EXOC6B: variants seen among roughly 807,000 people sequenced by gnomAD.
EXOC6B encodes exocyst complex component 6B.
A neutral mutation model predicts 113.5 loss-of-function variants in EXOC6B; 54 were observed. The observed-to-expected ratio is 0.48, with a 90% CI of 0.38 to 0.60. The LOEUF is 0.60. EXOC6B is among the 20% of genes least tolerant of loss of function. The pLI is 0.00. For missense variants in EXOC6B, 797 were observed against 977.5 expected (o/e 0.82, Z 2.46); for synonymous variants, 357 against 339.0 (o/e 1.05, Z -0.58).
chr2:72,682,975 T>C (rs1345322949), intron 6 of EXOC6B, among the ~76,000 whole-genome samples: 1 of 152,198 alleles, frequency 6.6e-6, no homozygotes, highest in Non-Finnish European at 1.5e-5. Context: ...AGTTGTCTAT[T>C]CCTAACTCCA....
chr2:72,218,481 C>T (rs1357912183), intron 20 of EXOC6B, among the ~76,000 whole-genome samples: 1 of 152,112 alleles, frequency 6.6e-6, no homozygotes, highest in African/African-American at 2.4e-5. Context: ...AATTACTAAT[C>T]ACTTTAATTA....
chr2:72,699,422 G>A (rs1356629170), intron 6 of EXOC6B, among the ~76,000 whole-genome samples: 4 of 150,866 alleles, frequency 2.7e-5, no homozygotes, highest in Non-Finnish European at 5.9e-5. Flanking sequence ...AGGTTGCAGT[G>A]AGCCAAGATC....
In EXOC6B at chr2:72,818,311, ATT is replaced by A. The variant is rs1183950982; in HGVS notation, c.113+7485_113+7486del. On this transcript the variant is annotated intron_variant, in intron 1 of 21. Coordinates refer to ENST00000272427, the MANE Select transcript of EXOC6B (RefSeq NM_015189.3). The stretch of plus-strand genomic sequence containing the variant: ...AGGTGCCTGCCACCAGGCCCAGCTA[ATT>A]TTTTTTTTTTTTTTTTTTTTTGTAT... 2.5e-3 allele frequency among the ~76,000 whole-genome samples: 296 copies of A among 117,798 alleles called. 2 individuals carry two copies. Among genetic ancestry groups the A allele is most frequent in the African/African-American group, 7.7e-3 (233 of 30,314 alleles). The allele number at this position is 117,798 out of a possible 152,430, so 77.3% of individuals were successfully genotyped here.
intron 18 of EXOC6B, among the ~76,000 whole-genome samples, chr2:72,456,473 T>C (rs758410598): frequency 4.6e-5 from 7 of 152,094 alleles, no homozygotes; most frequent in Non-Finnish European, 7.4e-5. Flanking sequence ...TACACAGAAA[T>C]ACAGATGAAT....
At chr2:72,294,719 T>G (rs1686021582) in intron 20 of EXOC6B, among the ~76,000 whole-genome samples, 2 of 152,144 alleles carry the variant, frequency 1.3e-5, no homozygotes, top group South Asian at 4.1e-4. Context: ...GATTTTGTCT[T>G]TGCTAATAAC....
At chr2:72,212,967 C>T (rs1422663697) in intron 20 of EXOC6B, among the ~76,000 whole-genome samples, 4 of 152,196 alleles carry the variant, frequency 2.6e-5, no homozygotes, top group African/African-American at 9.7e-5. Flanking sequence ...ATTACCATCC[C>T]TCTGAATCTG....
intron 5 of EXOC6B, 81 bp downstream of exon 5, chr2:72,730,926 A>C: frequency 8.5e-6 from 8 of 939,226 alleles, no homozygotes; most frequent in African/African-American, 1.7e-5. Context: ...TTGAAAAGTT[A>C]TGCTAAATAT....
chr2:72,551,065 G>A (rs1703194494), intron 8 of EXOC6B, among the ~76,000 whole-genome samples: 1 of 151,770 alleles, frequency 6.6e-6, no homozygotes, highest in Non-Finnish European at 1.5e-5. Context: ...TTTATTAATT[G>A]TACTATGTAG....
intron 1 of EXOC6B, among the ~76,000 whole-genome samples, chr2:72,766,292 G>C (rs1683057307): frequency 6.6e-6 from 1 of 152,154 alleles, no homozygotes; most frequent in African/African-American, 2.4e-5. Flanking sequence ...CCAAAAGTGG[G>C]AGCAGAGGGG....
At chr2:72,458,772 C>T (rs575868728) in intron 18 of EXOC6B, among the ~76,000 whole-genome samples, 1 of 152,186 alleles carries the variant, frequency 6.6e-6, no homozygotes, top group Admixed American at 6.6e-5. Flanking sequence ...TTCAGACAAG[C>T]ACCAGGTTTG....
chr2:72,403,178 C>G (rs1380339362), intron 18 of EXOC6B, among the ~76,000 whole-genome samples: 1 of 152,178 alleles, frequency 6.6e-6, no homozygotes, highest in African/African-American at 2.4e-5. Flanking sequence ...ATTTACCAAG[C>G]TTTTCTTCTT....
Position 72,352,231 on chromosome 2 carries a change from C to T in EXOC6B, c.2123-17211G>A, listed in dbSNP as rs532760947. Among the ~76,000 whole-genome samples the T allele has an allele frequency of 4.6e-5, 7 of 152,248 alleles. No homozygotes were observed. In the Middle Eastern group the frequency reaches 0.014, roughly 296 times the overall value. On this transcript the variant is annotated intron_variant, in intron 19 of 21. Transcript: ENST00000272427. ...GCCTCAATTCACCCATCCAAATGTACATTATCCCACTAGTGACCCTACCAT... is the reference window on the plus strand; with the variant it reads ...GCCTCAATTCACCCATCCAAATGTATATTATCCCACTAGTGACCCTACCAT...
At chr2:72,285,146 T>C (rs142906688) in intron 20 of EXOC6B, among the ~76,000 whole-genome samples, 1 of 152,060 alleles carries the variant, frequency 6.6e-6, no homozygotes, top group South Asian at 2.1e-4. Context: ...GAAGAGGCAA[T>C]ATATCCAGAA....
intron 20 of EXOC6B, among the ~76,000 whole-genome samples, chr2:72,195,361 A>C (rs1018707709): frequency 3.3e-5 from 5 of 152,174 alleles, no homozygotes; most frequent in African/African-American, 1.2e-4. Context: ...AACCATGTAC[A>C]CATACATGTT....
chr2:72,218,699 T>C (rs1275114422), intron 20 of EXOC6B, among the ~76,000 whole-genome samples: 1 of 152,122 alleles, frequency 6.6e-6, no homozygotes, highest in East Asian at 1.9e-4. Context: ...GGAGTCTCGT[T>C]CTGTCACCAG....
At chr2:72,579,227 G>A (rs758323135) in intron 6 of EXOC6B, among the ~76,000 whole-genome samples, 3 of 152,000 alleles carry the variant, frequency 2.0e-5, no homozygotes, top group Admixed American at 6.6e-5. Flanking sequence ...CTAAACAGTG[G>A]GGCCATTCCA....
chr2:72,300,320 T>C (rs1481723577), intron 20 of EXOC6B, among the ~76,000 whole-genome samples: 2 of 152,188 alleles, frequency 1.3e-5, no homozygotes. Context: ...TTGTTTACAC[T>C]GTGAGGATAA....
intron 18 of EXOC6B, among the ~76,000 whole-genome samples, chr2:72,406,713 G>A (rs1219125178): frequency 6.6e-6 from 1 of 152,104 alleles, no homozygotes; most frequent in Non-Finnish European, 1.5e-5. Context: ...AGTGTGTAGA[G>A]GGAAATTTAT....
At chr2:72,244,100 T>A (rs1274819755) in intron 20 of EXOC6B, among the ~76,000 whole-genome samples, 3 of 152,162 alleles carry the variant, frequency 2.0e-5, no homozygotes, top group Admixed American at 2.0e-4. Context: ...AGAATATACA[T>A]TCTTCTCAAA....
Sources: gnomAD v4.1 joint callset for allele counts (sites outside exome capture counted in the v4.1 genomes callset) on GRCh38, gnomAD v4.1.1 for gene constraint, MANE v1.5 for transcripts, NCBI Gene and HGNC (gene_info 2026-07-23, HGNC 2026-07-21) for gene names.